The following GON4L variants were observed in gnomAD, a reference collection of about 807,000 sequenced individuals.
GON4L encodes the protein gon-4 like.
A neutral mutation model predicts 211.8 loss-of-function variants in GON4L; 87 were observed. The observed-to-expected ratio is 0.41, with a 90% confidence interval of 0.35 to 0.49. The LOEUF (loss-of-function observed/expected upper bound fraction) is 0.49. Among genes scored for constraint, GON4L ranks in the 20% least tolerant of loss-of-function variants. GON4L has a pLI of 0.15. For synonymous variants in GON4L, 875 were observed against 962.6 expected (o/e 0.91, Z 1.68); for missense variants, 2,155 against 2,659.5 (o/e 0.81, Z 4.17).
At chr1:155,777,145 T>G (rs1663896131) in intron 15 of GON4L, among the ~76,000 whole-genome samples, 1 of 152,252 alleles carries the variant, frequency 6.6e-6, no homozygotes, top group Admixed American at 6.5e-5. Flanking sequence ...GCTCTCTTCC[T>G]TGAGCCATAA....
At chr1:155,763,639 A>C in intron 21 of GON4L, 75 bp from the exon 22 acceptor site, 1 of 1,283,722 alleles carries the variant, frequency 7.8e-7, no homozygotes, top group Non-Finnish European at 1.1e-6. Context: ...AAGCTATATC[A>C]GGATAATCTG....
At chr1:155,755,186 T>C (rs1057103706) in intron 27 of GON4L, among the ~76,000 whole-genome samples, 4 of 151,460 alleles carry the variant, frequency 2.6e-5, no homozygotes, top group Admixed American at 6.6e-5. Context: ...TTCCCATGTC[T>C]CAGCCTCCCA....
chr1:155,801,112 C>CAAAAAAAAAA (rs367752032), intron 11 of GON4L, among the ~76,000 whole-genome samples: 1 of 73,634 alleles, frequency 1.4e-5, no homozygotes, highest in Non-Finnish European at 2.4e-5. Context: ...TGCTGCTGCT[C>CAAAAAAAAAA]AAAAAAAAAA....
At chr1:155,751,929 T>C (rs1347583867) in intron 30 of GON4L, 31 bp downstream of exon 30, 1 of 1,612,760 alleles carries the variant, frequency 6.2e-7, no homozygotes, top group South Asian at 1.1e-5. Context: ...CTATGCTCTT[T>C]TCCAAACACA....
intron 8 of GON4L, among the ~76,000 whole-genome samples, chr1:155,815,412 G>A (rs1354866846): frequency 6.6e-6 from 1 of 151,976 alleles, no homozygotes; most frequent in African/African-American, 2.4e-5. Flanking sequence ...TACATATTGA[G>A]GTGATACAAC....
intron 10 of GON4L, among the ~76,000 whole-genome samples, chr1:155,809,541 A>G (rs1234110440): frequency 1.4e-5 from 2 of 144,380 alleles, no homozygotes; most frequent in African/African-American, 2.5e-5. Context: ...ATAATTATAA[A>G]TTATATACTT....
chr1:155,831,236 C>G (rs1050915533), intron 2 of GON4L, among the ~76,000 whole-genome samples: 6 of 151,956 alleles, frequency 3.9e-5, no homozygotes, highest in Admixed American at 3.3e-4. Flanking sequence ...GAGGTCAAGG[C>G]AGCAGTGAGC....
At chr1:155,797,429 G>A (rs1170855177) in intron 11 of GON4L, among the ~76,000 whole-genome samples, 1 of 151,126 alleles carries the variant, frequency 6.6e-6, no homozygotes, top group Non-Finnish European at 1.5e-5. Flanking sequence ...CTTCCATAAT[G>A]TTTTAACTTT....
intron 2 of GON4L, among the ~76,000 whole-genome samples, chr1:155,843,377 A>G (rs1329187336): frequency 6.6e-6 from 1 of 151,938 alleles, no homozygotes; most frequent in Non-Finnish European, 1.5e-5. Context: ...CATCTCCCCA[A>G]ACCTCCTAAT....
At chr1:155,780,255 G>C (rs1325570838) in intron 14 of GON4L, among the ~76,000 whole-genome samples, 1 of 152,060 alleles carries the variant, frequency 6.6e-6, no homozygotes, top group Non-Finnish European at 1.5e-5. Context: ...TTTTTGACTT[G>C]TTAAGAAAGC....
Position 155,750,547 on chromosome 1 carries a change from T to C in GON4L, c.*37A>G, listed in dbSNP as rs1374022384. On this transcript the variant is annotated 3_prime_UTR_variant, in exon 32 of 32. Transcript: ENST00000368331. ...ACCCCCTCCCCGGTGCCAGGGCGCC[T>C]GTTGGGTTTGGTCCTGTGTAGATGA... 1 of 1,559,458 alleles carries C rather than the reference T, an allele frequency of 6.4e-7. No homozygotes were observed. The highest frequency in any genetic ancestry group is 1.7e-5 in the Admixed American group (1 of 59,726).
chr1:155,775,569 A>C (rs1383873099), intron 16 of GON4L, among the ~76,000 whole-genome samples: 1 of 150,540 alleles, frequency 6.6e-6, no homozygotes, highest in Non-Finnish European at 1.5e-5. Flanking sequence ...ATTCTTCTCC[A>C]TCTACCTCCC....
In GON4L at chr1:155,765,656, G is replaced by A. The variant is rs776395330; in HGVS notation, c.3817C>T (p.Leu1273=). The A allele has an allele frequency of 2.2e-5, 36 of 1,614,220 alleles. No homozygotes were observed. The South Asian group carries it at 4.0e-4, about 18-fold the overall frequency. Residue 1273 remains leucine, a synonymous_variant, in exon 21 of 32, where the codon CTA becomes TTA. Transcript: ENST00000368331. ...PKVEHSPGPP[L]ADAECQEGLS... is the part of the protein sequence containing the mutation. ...CCTTCTTGGCACTCTGCATCTGCTA[G>A]TGGAGGCCCTGGGCTATGTTCCACT...
At chr1:155,793,886 AGGTGTAAGCCACC>A (rs747212489) in intron 12 of GON4L, among the ~76,000 whole-genome samples, 31 of 152,216 alleles carry the variant, frequency 2.0e-4, no homozygotes, top group Non-Finnish European at 4.0e-4. Flanking sequence ...CTGGGATTAC[AGGTGTAAGCCACC>A]ACTCCTAGCT....
rs1036914187 is a variant in GON4L at position 155,800,279 on chromosome 1, C to T, written c.1645+4670G>A. On this transcript the variant is annotated intron_variant, in intron 11 of 31. Transcript: ENST00000368331. ...TATACTTTTAAAAAATGGTTTAGGC[C>T]GGGCGTGGTGGCTCACACCTGTAAT... 6.6e-5 allele frequency among the ~76,000 whole-genome samples: 10 copies of T among 151,824 alleles called. No individual in the cohort carries two copies. The South Asian group carries it at 1.3e-3, about 19-fold the overall frequency.
intron 16 of GON4L, 94 bp downstream of exon 16, chr1:155,776,297 GAATA>G (rs1460983608): frequency 2.2e-6 from 2 of 917,268 alleles, no homozygotes; most frequent in African/African-American, 3.3e-5. Flanking sequence ...CCCGAGAGAA[GAATA>G]AATATAGATT....
chr1:155,798,516 T>A (rs1393022654), intron 11 of GON4L, among the ~76,000 whole-genome samples: 1 of 150,050 alleles, frequency 6.7e-6, no homozygotes, highest in Non-Finnish European at 1.5e-5. Context: ...TTCACGCCAT[T>A]CTCCTGCCTC....
At chr1:155,822,777 C>T (rs1046782004) in intron 3 of GON4L, among the ~76,000 whole-genome samples, 2 of 152,106 alleles carry the variant, frequency 1.3e-5, no homozygotes, top group African/African-American at 4.8e-5. Flanking sequence ...GCAGTTAACA[C>T]AACTGTATAT....
chr1:155,761,175 GTT>G (rs921323729), intron 23 of GON4L, among the ~76,000 whole-genome samples: 9 of 109,556 alleles, frequency 8.2e-5, no homozygotes, highest in Admixed American at 1.9e-4. Flanking sequence ...CTTATGTGTG[GTT>G]TTTTTTTTTT....
Sources: gnomAD v4.1 joint callset for allele counts (sites outside exome capture counted in the v4.1 genomes callset) on GRCh38, gnomAD v4.1.1 for gene constraint, MANE v1.5 for transcripts, NCBI Gene and HGNC (gene_info 2026-07-23, HGNC 2026-07-21) for gene names.